The following PHF24 variants were observed in gnomAD, a reference collection of about 807,000 sequenced individuals.
The protein encoded by PHF24 is Galpha inhibitory interacting protein.
Under a neutral mutation model 42.6 loss-of-function variants are expected in PHF24, and 25 were observed. The observed-to-expected ratio is 0.59, with a 90% CI of 0.43 to 0.82. The LOEUF is 0.82. Among genes scored for constraint, PHF24 ranks in the 40% least tolerant of loss-of-function variants. The probability of loss-of-function intolerance (pLI) is 0.00; values close to 1 mark genes in which losing one functional copy is unlikely to be tolerated. For missense variants in PHF24, 470 were observed against 538.1 expected, an observed-to-expected ratio of 0.87 and a Z score of 1.25; for synonymous variants, 185 against 204.8, an observed-to-expected ratio of 0.90 and a Z score of 0.83.
At chr9:34,831,101 TGTC>T in the PHF24 span, among the ~76,000 whole-genome samples, 9 of 152,172 alleles carry the variant, frequency 5.9e-5, no homozygotes, top group South Asian at 2.1e-4. Context: ...CCAAAAGCCT[TGTC>T]TTCTTTTGAC....
At chr9:34,787,286 G>C in the PHF24 span, among the ~76,000 whole-genome samples, 1 of 151,832 alleles carries the variant, frequency 6.6e-6, no homozygotes, top group South Asian at 2.1e-4. Context: ...TGGCCTAGTT[G>C]ACCTTGTTGG....
chr9:34,721,818 G>A, the PHF24 span, among the ~76,000 whole-genome samples: 2 of 152,104 alleles, frequency 1.3e-5, no homozygotes, highest in Non-Finnish European at 2.9e-5. Flanking sequence ...AATCTAACAC[G>A]CCTCATCTTA....
the PHF24 span, among the ~76,000 whole-genome samples, chr9:34,697,693 G>A: frequency 6.6e-6 from 1 of 152,184 alleles, no homozygotes; most frequent in Non-Finnish European, 1.5e-5. Flanking sequence ...TAAAGTAGAG[G>A]AAGAGGTTCA....
exon 6 of PHF24, chr9:34,977,212 C>A: frequency 6.2e-7 from 1 of 1,612,410 alleles, no homozygotes; most frequent in Non-Finnish European, 8.5e-7. Flanking sequence ...GTTTTGCAAA[C>A]GGTTCCCAGA....
chr9:34,813,320 T>C, the PHF24 span, among the ~76,000 whole-genome samples: 1 of 152,178 alleles, frequency 6.6e-6, no homozygotes, highest in African/African-American at 2.4e-5. Context: ...AACACTTCTG[T>C]TTCAATCATG....
At chr9:34,977,702 TA>T in intron 7 of PHF24, 61 bp downstream of exon 7, 1 of 1,374,880 alleles carries the variant, frequency 7.3e-7, no homozygotes, top group South Asian at 1.2e-5. Flanking sequence ...AACACACAAG[TA>T]AGAGAGGGCA....
chr9:34,765,426 GT>G, the PHF24 span, among the ~76,000 whole-genome samples: 4 of 150,496 alleles, frequency 2.7e-5, no homozygotes, highest in African/African-American at 9.7e-5. Flanking sequence ...AGCTCTTCTT[GT>G]TGAATTGATC....
At chr9:34,685,163 G>A in the PHF24 span, among the ~76,000 whole-genome samples, 1 of 152,134 alleles carries the variant, frequency 6.6e-6, no homozygotes, top group Non-Finnish European at 1.5e-5. Flanking sequence ...CTTTCCAGGA[G>A]CCCTGCCTGT....
chr9:34,749,849 C>T, the PHF24 span, among the ~76,000 whole-genome samples: 1 of 151,232 alleles, frequency 6.6e-6, no homozygotes, highest in Non-Finnish European at 1.5e-5. Context: ...AAAGGAACAA[C>T]ATGTAATGGA....
At chr9:34,896,585 G>T in the PHF24 span, among the ~76,000 whole-genome samples, 2 of 152,142 alleles carry the variant, frequency 1.3e-5, no homozygotes, top group Non-Finnish European at 2.9e-5. Context: ...TTCGATTAAG[G>T]TTCACAAACT....
chr9:34,963,214 G>A (rs1211535765), intron 1 of PHF24, among the ~76,000 whole-genome samples: 1 of 151,910 alleles, frequency 6.6e-6, no homozygotes. Flanking sequence ...GACCCCTCGG[G>A]GCTTGGATTT....
the PHF24 span, among the ~76,000 whole-genome samples, chr9:34,860,630 GC>G: frequency 2.0e-5 from 3 of 151,216 alleles, no homozygotes; most frequent in South Asian, 6.3e-4. Context: ...GAGTTCACAT[GC>G]TCTTGATTTT....
At chr9:34,782,682 G>A in the PHF24 span, among the ~76,000 whole-genome samples, 1 of 152,206 alleles carries the variant, frequency 6.6e-6, no homozygotes, top group South Asian at 2.1e-4. Context: ...TGAATTCATG[G>A]GAAGTAGCTC....
chr9:34,934,355 A>G, the PHF24 span, among the ~76,000 whole-genome samples: 1 of 152,224 alleles, frequency 6.6e-6, no homozygotes, highest in Admixed American at 6.5e-5. Flanking sequence ...CTACAACAAC[A>G]GTAATTAGTT....
At chr9:34,915,024 T>TAA in the PHF24 span, among the ~76,000 whole-genome samples, 2 of 135,298 alleles carry the variant, frequency 1.5e-5, no homozygotes, top group South Asian at 4.6e-4. Flanking sequence ...CTTTTTTCTT[T>TAA]TCTTTTTTTT....
chr9:34,929,368 A>G, the PHF24 span, among the ~76,000 whole-genome samples: 1 of 152,150 alleles, frequency 6.6e-6, no homozygotes, highest in African/African-American at 2.4e-5. Flanking sequence ...ATCTATTATC[A>G]AACTATTATC....
the PHF24 span, among the ~76,000 whole-genome samples, chr9:34,948,134 A>T: frequency 7.9e-5 from 12 of 151,258 alleles, no homozygotes; most frequent in African/African-American, 2.9e-4. Context: ...GAAAAGAAAA[A>T]TAGGAAAAAG....
At chr9:34,820,980 A>C in the PHF24 span, among the ~76,000 whole-genome samples, 1 of 152,170 alleles carries the variant, frequency 6.6e-6, no homozygotes, top group Non-Finnish European at 1.5e-5. Flanking sequence ...TTCTCTAATG[A>C]TCAGTGCTGT....
the PHF24 span, among the ~76,000 whole-genome samples, chr9:34,748,253 T>A: frequency 6.6e-6 from 1 of 152,242 alleles, no homozygotes; most frequent in Non-Finnish European, 1.5e-5. Flanking sequence ...TATATTTTTC[T>A]GTATGTATGT....
Sources: allele counts gnomAD v4.1 joint callset (sites outside exome capture counted in the v4.1 genomes callset), GRCh38; gene constraint gnomAD v4.1.1; transcripts MANE v1.5; gene names NCBI Gene and HGNC (gene_info 2026-07-23, HGNC 2026-07-21).